RIMS2: variants seen among roughly 807,000 people sequenced by gnomAD.
RIMS2 encodes the protein regulating synaptic membrane exocytosis 2.
A neutral mutation model predicts 174.4 loss-of-function variants in RIMS2; 59 were observed. The ratio of observed to expected loss-of-function variants is 0.34; its 90% CI spans 0.27 to 0.42. The LOEUF (loss-of-function observed/expected upper bound fraction) is 0.42, where lower values mean the gene tolerates loss of function less well. Ranked by LOEUF, RIMS2 falls within the 10% of genes least tolerant of loss-of-function variation. The pLI is 1.00. For synonymous variants in RIMS2, 606 were observed against 572.5 expected (o/e 1.06, Z -0.84); for missense variants, 1,620 against 1,666.3 (o/e 0.97, Z 0.48).
At chr8:103,573,130 C>T (rs1429292791) in intron 1 of RIMS2, among the ~76,000 whole-genome samples, 1 of 151,994 alleles carries the variant, frequency 6.6e-6, no homozygotes, top group Non-Finnish European at 1.5e-5. Context: ...GTGATCCTGG[C>T]TCAGGTCCTC....
chr8:103,785,861 G>C (rs1225461682), intron 3 of RIMS2, among the ~76,000 whole-genome samples: 1 of 152,168 alleles, frequency 6.6e-6, no homozygotes, highest in African/African-American at 2.4e-5. Flanking sequence ...GTTCCTCCTT[G>C]TATCTCTGGT....
intron 19 of RIMS2, among the ~76,000 whole-genome samples, chr8:104,092,758 A>T (rs967401317): frequency 6.6e-6 from 1 of 151,960 alleles, no homozygotes; most frequent in African/African-American, 2.4e-5. Context: ...TTGTCAAAAT[A>T]AAGTTAAATT....
At chr8:103,851,602 G>T (rs1241490606) in intron 3 of RIMS2, among the ~76,000 whole-genome samples, 2 of 150,746 alleles carry the variant, frequency 1.3e-5, no homozygotes, top group Non-Finnish European at 3.0e-5. Context: ...GACCAATTGT[G>T]TATGTATAGA....
At chr8:103,754,452 G>T (rs940397135) in intron 2 of RIMS2, among the ~76,000 whole-genome samples, 1 of 152,106 alleles carries the variant, frequency 6.6e-6, no homozygotes, top group Non-Finnish European at 1.5e-5. Flanking sequence ...AGTCCGCTTG[G>T]TGCAGAGCTG....
chr8:104,241,919 C>T (rs961882730), intron 19 of RIMS2, among the ~76,000 whole-genome samples: 7 of 151,980 alleles, frequency 4.6e-5, no homozygotes, highest in African/African-American at 1.7e-4. Context: ...GCCACCACGC[C>T]CAGCTAATTT....
At chr8:104,138,840 C>T (rs2098543379) in intron 19 of RIMS2, among the ~76,000 whole-genome samples, 1 of 152,038 alleles carries the variant, frequency 6.6e-6, no homozygotes, top group South Asian at 2.1e-4. Flanking sequence ...AAATCTTTGC[C>T]CAGACCAGTG....
intron 19 of RIMS2, among the ~76,000 whole-genome samples, chr8:104,210,994 A>C (rs2099102694): frequency 6.6e-6 from 1 of 152,214 alleles, no homozygotes; most frequent in Non-Finnish European, 1.5e-5. Context: ...TTTCCTCTTC[A>C]TGTTGGACAT....
chr8:103,856,902 G>A (rs901766883), intron 3 of RIMS2, among the ~76,000 whole-genome samples: 2 of 151,866 alleles, frequency 1.3e-5, no homozygotes, highest in Admixed American at 1.3e-4. Context: ...CGCCTCTCAG[G>A]TTCAAGCAAT....
intron 19 of RIMS2, among the ~76,000 whole-genome samples, chr8:104,034,956 A>G (rs1309322791): frequency 6.7e-6 from 1 of 148,284 alleles, no homozygotes; most frequent in African/African-American, 2.4e-5. Flanking sequence ...TTACCACACA[A>G]AAAAGTAGTG....
chr8:103,874,077 C>A (rs918038124), intron 3 of RIMS2, among the ~76,000 whole-genome samples: 1 of 151,998 alleles, frequency 6.6e-6, no homozygotes, highest in Non-Finnish European at 1.5e-5. Flanking sequence ...AACCTAATTT[C>A]TTTATTTCTA....
intron 19 of RIMS2, 114 bp downstream of exon 23, chr8:104,068,726 C>T (rs1467164706): frequency 1.7e-6 from 1 of 599,792 alleles, no homozygotes; most frequent in Non-Finnish European, 2.9e-6. Context: ...TGCCATGGCC[C>T]CATGATATTA....
chr8:103,745,217 A>G (rs1015753345), intron 2 of RIMS2, among the ~76,000 whole-genome samples: 1 of 152,012 alleles, frequency 6.6e-6, no homozygotes, highest in Non-Finnish European at 1.5e-5. Flanking sequence ...TCACTAATCT[A>G]CTTTCTTATT....
chr8:104,089,336 C>T (rs186653302), intron 19 of RIMS2, among the ~76,000 whole-genome samples: 1 of 151,874 alleles, frequency 6.6e-6, no homozygotes, highest in African/African-American at 2.4e-5. Context: ...TAGCTTCTCT[C>T]TCATTGTTGA....
intron 19 of RIMS2, among the ~76,000 whole-genome samples, chr8:104,126,518 C>A (rs2098432396): frequency 6.6e-6 from 1 of 152,122 alleles, no homozygotes; most frequent in Admixed American, 6.6e-5. Flanking sequence ...TCTCTAGAAC[C>A]AGGTTAAATT....
intron 3 of RIMS2, among the ~76,000 whole-genome samples, chr8:103,795,929 A>G (rs542206651): frequency 1.3e-5 from 2 of 152,332 alleles, no homozygotes; most frequent in East Asian, 1.9e-4. Flanking sequence ...ATGTAAGTAT[A>G]TACTTCCTCC....
intron 2 of RIMS2, among the ~76,000 whole-genome samples, chr8:103,730,712 T>C (rs913426789): frequency 7.2e-5 from 11 of 152,214 alleles, no homozygotes; most frequent in African/African-American, 2.7e-4. Context: ...TTATTTCTCA[T>C]TAACATTATT....
chr8:103,625,009 C>T (rs1270262787), intron 1 of RIMS2, among the ~76,000 whole-genome samples: 1 of 151,998 alleles, frequency 6.6e-6, no homozygotes, highest in African/African-American at 2.4e-5. Flanking sequence ...TAAATAGAAT[C>T]AGTTTATATC....
chr8:104,181,816 T>G (rs2441890), intron 19 of RIMS2, among the ~76,000 whole-genome samples: 104,696 of 151,290 alleles, frequency 0.69, 36,709 homozygotes, highest in East Asian at 0.95. Flanking sequence ...TTTATGTACT[T>G]CGACATTTAT....
At chr8:104,038,834 A>G (rs890751387) in intron 19 of RIMS2, among the ~76,000 whole-genome samples, 2 of 151,802 alleles carry the variant, frequency 1.3e-5, no homozygotes, top group Admixed American at 1.3e-4. Context: ...TGATACAACT[A>G]TAGTTATATA....
Sources: allele counts gnomAD v4.1 joint callset (sites outside exome capture counted in the v4.1 genomes callset), GRCh38; gene constraint gnomAD v4.1.1; transcripts MANE v1.5; gene names NCBI Gene and HGNC (gene_info 2026-07-23, HGNC 2026-07-21).